MYLK4: variants seen among roughly 807,000 people sequenced by gnomAD.
MYLK4 encodes myosin light chain kinase family member 4, also known as caMLCK like.
MYLK4 carries 46 observed loss-of-function variants against 48.1 expected under a neutral mutation model. That is an observed-to-expected ratio of 0.96 (90% CI 0.75 to 1.22). MYLK4 has a LOEUF of 1.22. MYLK4 is among the 50% of genes most tolerant of loss of function. The pLI, the probability that MYLK4 is intolerant of heterozygous loss-of-function variation, is 0.00. For missense variants in MYLK4, 451 were observed against 486.1 expected (o/e 0.93, Z 0.68); for synonymous variants, 170 against 180.8 (o/e 0.94, Z 0.48).
At chr6:2,746,356 G>A (rs887450452) in intron 2 of MYLK4, among the ~76,000 whole-genome samples, 3 of 151,724 alleles carry the variant, frequency 2.0e-5, no homozygotes, top group Non-Finnish European at 4.4e-5. Flanking sequence ...GCTATGAAGT[G>A]TTTCATAAAC....
chr6:2,726,413 C>G (rs1582101621), intron 2 of MYLK4, among the ~76,000 whole-genome samples: 1 of 152,212 alleles, frequency 6.6e-6, no homozygotes, highest in Middle Eastern at 3.4e-3. Context: ...AACCAGATCT[C>G]AGCGTGCAGG....
At chr6:2,733,801 T>G (rs958554036) in intron 2 of MYLK4, among the ~76,000 whole-genome samples, 4 of 152,064 alleles carry the variant, frequency 2.6e-5, no homozygotes, top group Non-Finnish European at 5.9e-5. Flanking sequence ...ATGAGACCCC[T>G]GGAGGGTTAT....
rs78775942 is a variant in MYLK4, at chr6:2,749,925, C to A, written c.-112-519G>T. Among the ~76,000 whole-genome samples, 1,444 of 152,314 alleles carry A rather than the reference C, an allele frequency of 9.5e-3. 14 individuals carry two copies. The highest frequency in any genetic ancestry group is 0.033 in the African/African-American group (1,363 of 41,556). On this transcript the variant is annotated intron_variant, in intron 1 of 12. Transcript: ENST00000274643. ...AATTTATTTCCTTACAGTCTTCTCA[C>A]GTGGACAGCACTCCCAGATACCTTT... is the stretch of plus-strand genomic sequence containing the variant.
chr6:2,704,138 C>CTGAT (rs1212806151), intron 2 of MYLK4, among the ~76,000 whole-genome samples: 1 of 152,206 alleles, frequency 6.6e-6, no homozygotes, highest in African/African-American at 2.4e-5. Context: ...ATGACAAACA[C>CTGAT]TGATTGATTG....
intron 2 of MYLK4, among the ~76,000 whole-genome samples, chr6:2,747,316 T>C (rs781758604): frequency 1.5e-4 from 23 of 152,148 alleles, no homozygotes; most frequent in Admixed American, 5.2e-4. Context: ...TCCCTACATA[T>C]ATTTATGTTC....
chr6:2,682,660 G>A (rs570088111), intron 7 of MYLK4, among the ~76,000 whole-genome samples: 4 of 152,308 alleles, frequency 2.6e-5, no homozygotes, highest in Non-Finnish European at 5.9e-5. Flanking sequence ...CTACTACTTA[G>A]GGAATTCTGA....
chr6:2,731,008 G>T (rs781354236), intron 2 of MYLK4, among the ~76,000 whole-genome samples: 4 of 151,982 alleles, frequency 2.6e-5, no homozygotes, highest in Non-Finnish European at 4.4e-5. Flanking sequence ...AACCACGAAA[G>T]ACCTTTTCTT....
chr6:2,742,589 A>G (rs1763934759), intron 2 of MYLK4, among the ~76,000 whole-genome samples: 1 of 151,232 alleles, frequency 6.6e-6, no homozygotes, highest in Non-Finnish European at 1.5e-5. Flanking sequence ...GAAATTGGAA[A>G]TCATCATTCT....
intron 2 of MYLK4, among the ~76,000 whole-genome samples, chr6:2,693,358 TA>T (rs1339243445): frequency 2.6e-5 from 4 of 152,254 alleles, no homozygotes; most frequent in Non-Finnish European, 5.9e-5. Context: ...GGTTGACATA[TA>T]AATCAAATAG....
At chr6:2,731,204 A>C (rs1014091813) in intron 2 of MYLK4, among the ~76,000 whole-genome samples, 1 of 152,196 alleles carries the variant, frequency 6.6e-6, no homozygotes, top group African/African-American at 2.4e-5. Flanking sequence ...TTTCGTTTCT[A>C]AGAAGTCCCA....
upstream of MYLK4, among the ~76,000 whole-genome samples, chr6:2,751,817 A>G (rs1764295820): frequency 6.6e-6 from 1 of 152,224 alleles, no homozygotes; most frequent in South Asian, 2.1e-4. Context: ...TTTATGTAGT[A>G]TTAATGAATT....
chr6:2,740,993 G>A (rs1275346442), intron 2 of MYLK4, among the ~76,000 whole-genome samples: 6 of 152,164 alleles, frequency 3.9e-5, no homozygotes, highest in Admixed American at 6.5e-5. Context: ...GTAACAAACC[G>A]TTTTTAAAAC....
the MYLK4 span, among the ~76,000 whole-genome samples, chr6:2,759,956 T>A: frequency 0.98 from 148,908 of 152,328 alleles, 72,891 homozygotes; most frequent in East Asian, 1. Flanking sequence ...TTCTGCACCT[T>A]CTCATCCAAC....
chr6:2,766,962 TAA>T, the MYLK4 span, among the ~76,000 whole-genome samples: 2 of 152,268 alleles, frequency 1.3e-5, no homozygotes, highest in Non-Finnish European at 2.9e-5. Flanking sequence ...TAAGTTTATT[TAA>T]CATTCTTATA....
chr6:2,671,264 C>T lies in MYLK4; in HGVS notation c.*25+12G>A, dbSNP rs751072583. 2.7e-5 allele frequency: 43 copies of T among 1,598,902 alleles called. No homozygotes were observed. The highest frequency in any genetic ancestry group is 3.6e-5 in the Non-Finnish European group (42 of 1,166,814). ...CCTTCACAGACACCTCTTCAGGAGA[C>T]CCAAGACTAACCTTCCAAATGGCTG... On this transcript the variant is annotated intron_variant, in intron 12 of 12. Coordinates refer to ENST00000274643, the MANE Select transcript of MYLK4 (RefSeq NM_001012418.5).
intron 2 of MYLK4, among the ~76,000 whole-genome samples, chr6:2,746,859 C>G (rs1764110976): frequency 6.6e-6 from 1 of 152,250 alleles, no homozygotes; most frequent in African/African-American, 2.4e-5. Flanking sequence ...GACATCTGAG[C>G]TGCTGGAATG....
chr6:2,749,979 C>A (rs531128737), intron 1 of MYLK4, among the ~76,000 whole-genome samples: 1 of 152,102 alleles, frequency 6.6e-6, no homozygotes, highest in South Asian at 2.1e-4. Context: ...AGCTATGTAC[C>A]GAGAAGTTCA....
chr6:2,690,982 C>T (rs752097639), intron 3 of MYLK4, among the ~76,000 whole-genome samples: 22 of 152,018 alleles, frequency 1.4e-4, no homozygotes, highest in Non-Finnish European at 2.4e-4. Flanking sequence ...GCGCCCGCCA[C>T]CACGCCCGGC....
intron 2 of MYLK4, among the ~76,000 whole-genome samples, chr6:2,734,257 C>G (rs1360090348): frequency 6.6e-6 from 1 of 152,224 alleles, no homozygotes; most frequent in African/African-American, 2.4e-5. Flanking sequence ...GCTAAACCAT[C>G]TGCTGCTTTG....
Sources: gnomAD v4.1 joint callset for allele counts (sites outside exome capture counted in the v4.1 genomes callset) on GRCh38, gnomAD v4.1.1 for gene constraint, MANE v1.5 for transcripts, NCBI Gene and HGNC (gene_info 2026-07-23, HGNC 2026-07-21) for gene names.